BARX2: variants seen among roughly 807,000 people sequenced by gnomAD.
The protein encoded by BARX2 is homeobox protein BarH-like 2.
BARX2 carries 11 observed loss-of-function variants against 25.5 expected under a neutral mutation model. The ratio of observed to expected loss-of-function variants is 0.43; its 90% CI spans 0.27 to 0.71. BARX2 has a LOEUF of 0.71. BARX2 is among the 30% of genes least tolerant of loss of function. BARX2 has a pLI of 0.19. For synonymous variants in BARX2, 137 were observed against 149.5 expected (o/e 0.92, Z 0.61); for missense variants, 360 against 359.9 (o/e 1.00, Z 0.00).
chr11:129,378,135 G>A (rs1239635901), intron 1 of BARX2, among the ~76,000 whole-genome samples: 1 of 152,202 alleles, frequency 6.6e-6, no homozygotes, highest in Non-Finnish European at 1.5e-5. Flanking sequence ...TCGTGGTAGA[G>A]GGTGGCTGTT....
At chr11:129,410,186 A>G (rs1861871451) in intron 1 of BARX2, among the ~76,000 whole-genome samples, 1 of 152,154 alleles carries the variant, frequency 6.6e-6, no homozygotes, top group Admixed American at 6.5e-5. Context: ...ATTATATTCT[A>G]TATCCTTGCG....
At chr11:129,437,338 G>A in intron 2 of BARX2, 1 of 640,492 alleles carries the variant, frequency 1.6e-6, no homozygotes, top group Non-Finnish European at 2.1e-6. Flanking sequence ...TTTAGCAAAT[G>A]GTTGCTCAGG....
chr11:129,435,010 A>C (rs1280030814), intron 1 of BARX2, among the ~76,000 whole-genome samples: 2 of 152,256 alleles, frequency 1.3e-5, no homozygotes, highest in Non-Finnish European at 2.9e-5. Context: ...TTAGCCTGCT[A>C]AAGAAAGATA....
intron 1 of BARX2, among the ~76,000 whole-genome samples, chr11:129,397,144 C>T (rs543540055): frequency 2.0e-4 from 30 of 151,990 alleles, no homozygotes; most frequent in Admixed American, 1.5e-3. Context: ...GTTAGCCGGG[C>T]GTGGTGGTAT....
intron 3 of BARX2, among the ~76,000 whole-genome samples, chr11:129,449,998 A>T (rs924334150): frequency 2.6e-5 from 4 of 152,190 alleles, no homozygotes; most frequent in African/African-American, 9.7e-5. Context: ...CCTACCATTC[A>T]GGTGCCGTTC....
intron 1 of BARX2, among the ~76,000 whole-genome samples, chr11:129,379,960 G>C (rs1271642890): frequency 6.6e-6 from 1 of 151,836 alleles, no homozygotes; most frequent in East Asian, 1.9e-4. Flanking sequence ...GGCAGAATGG[G>C]TCTGTTGAAT....
chr11:129,386,693 G>A (rs1361275573), intron 1 of BARX2, among the ~76,000 whole-genome samples: 2 of 152,162 alleles, frequency 1.3e-5, no homozygotes, highest in Admixed American at 6.5e-5. Flanking sequence ...CACCAAAGAC[G>A]TTTTTCTTTT....
intron 1 of BARX2, among the ~76,000 whole-genome samples, chr11:129,431,538 C>T (rs1472238345): frequency 1.3e-5 from 2 of 152,292 alleles, no homozygotes; most frequent in East Asian, 3.9e-4. Context: ...TTTGCATTTC[C>T]TTCATTAGAA....
chr11:129,437,661 T>C (rs766921514), intron 2 of BARX2: 18 of 244,284 alleles, frequency 7.4e-5, no homozygotes, highest in Admixed American at 2.0e-4. Flanking sequence ...GCTGTGACCC[T>C]TGCTTTCTTG....
chr11:129,419,142 C>G (rs941179484), intron 1 of BARX2, among the ~76,000 whole-genome samples: 1 of 152,206 alleles, frequency 6.6e-6, no homozygotes, highest in Non-Finnish European at 1.5e-5. Flanking sequence ...GGCCGGCCCC[C>G]GCCTGGCACC....
At chr11:129,438,532 C>A (rs1862219901) in intron 2 of BARX2, among the ~76,000 whole-genome samples, 1 of 152,312 alleles carries the variant, frequency 6.6e-6, no homozygotes, top group African/African-American at 2.4e-5. Context: ...TCAAATGAAT[C>A]TCTTAAGCTG....
chr11:129,450,059 A>G lies in BARX2; in HGVS notation c.574-1077A>G, dbSNP rs768898648. 7.2e-5 allele frequency among the ~76,000 whole-genome samples: 11 copies of G among 152,172 alleles called. 1 individual carries two copies. The highest frequency in any genetic ancestry group is 6.2e-4 in the South Asian group (3 of 4,828). ...TGGTCACCCTCACTGTCACCCTGTA[A>G]TACAAGGTATTATTATTCCCATTTT... On this transcript the variant is annotated intron_variant, in intron 3 of 3. Coordinates refer to ENST00000281437, the MANE Select transcript of BARX2 (RefSeq NM_003658.5).
chr11:129,404,863 G>A (rs910920845), intron 1 of BARX2, among the ~76,000 whole-genome samples: 2 of 152,146 alleles, frequency 1.3e-5, no homozygotes, highest in Non-Finnish European at 2.9e-5. Flanking sequence ...CCTGTTTAGG[G>A]GGCTCTTTGA....
At chr11:129,421,504 C>G (rs142501419) in intron 1 of BARX2, among the ~76,000 whole-genome samples, 1 of 152,194 alleles carries the variant, frequency 6.6e-6, no homozygotes, top group African/African-American at 2.4e-5. Flanking sequence ...TAAGGATACA[C>G]ATCTATTAGA....
At chr11:129,398,111 A>G (rs868630550) in intron 1 of BARX2, among the ~76,000 whole-genome samples, 2 of 152,354 alleles carry the variant, frequency 1.3e-5, no homozygotes, top group South Asian at 2.1e-4. Context: ...GTGTAAACTC[A>G]ACCTAATACT....
chr11:129,393,370 G>A (rs893954287), intron 1 of BARX2, among the ~76,000 whole-genome samples: 1 of 152,110 alleles, frequency 6.6e-6, no homozygotes, highest in African/African-American at 2.4e-5. Context: ...TGGGTACAGA[G>A]TAGATAGATC....
chr11:129,445,023 AAATAAAT>A (rs758442231), intron 3 of BARX2, among the ~76,000 whole-genome samples: 14 of 151,874 alleles, frequency 9.2e-5, no homozygotes, highest in Non-Finnish European at 2.1e-4. Context: ...TAAAATAAAT[AAATAAAT>A]AATAAAAATA....
In BARX2 at chr11:129,451,558, A is replaced by G; in HGVS notation, c.*156A>G. The G allele has an allele frequency of 1.2e-6, 1 of 863,098 alleles. No individual in the cohort carries two copies. The highest frequency in any genetic ancestry group is 1.7e-6 in the Non-Finnish European group (1 of 574,426). 53.5% of individuals were successfully genotyped at this position (863,098 alleles called of 1,614,324 possible). A position where few individuals can be genotyped will look rare whatever the true frequency, so the allele number is the denominator to read the frequency against. ...TCCCACAGTTACCATTGGCCTTGTC[A>G]TCGCAAGCATTTGACAAAGACTTGC... is the stretch of plus-strand genomic sequence containing the variant. On this transcript the variant is annotated 3_prime_UTR_variant, in exon 4 of 4. Coordinates refer to ENST00000281437, the MANE Select transcript of BARX2 (RefSeq NM_003658.5).
At chr11:129,379,044 C>T (rs902243161) in intron 1 of BARX2, among the ~76,000 whole-genome samples, 2 of 152,136 alleles carry the variant, frequency 1.3e-5, no homozygotes, top group African/African-American at 4.8e-5. Context: ...GGAATCCTCA[C>T]CTTCCAAAAA....
Sources: gnomAD v4.1 joint callset for allele counts (sites outside exome capture counted in the v4.1 genomes callset) on GRCh38, gnomAD v4.1.1 for gene constraint, MANE v1.5 for transcripts, NCBI Gene and HGNC (gene_info 2026-07-23, HGNC 2026-07-21) for gene names.